The following PCGF5 variants were observed in gnomAD, a reference collection of about 807,000 sequenced individuals.
The protein encoded by PCGF5 is polycomb group RING finger protein 5.
In PCGF5, 9 loss-of-function variants were observed where a neutral mutation model predicts 44.3. The observed-to-expected ratio is 0.20, with a 90% CI of 0.12 to 0.35. The LOEUF (loss-of-function observed/expected upper bound fraction) is 0.35. Ranked by LOEUF, PCGF5 falls within the 10% of genes least tolerant of loss-of-function variation. The pLI, the probability that PCGF5 is intolerant of heterozygous loss-of-function variation, is 1.00. For synonymous variants in PCGF5, 95 were observed against 102.5 expected, an observed-to-expected ratio of 0.93 and a Z score of 0.44; for missense variants, 146 against 305.3, an observed-to-expected ratio of 0.48 and a Z score of 3.89.
intron 2 of PCGF5, among the ~76,000 whole-genome samples, chr10:91,236,348 C>G (rs11186513): frequency 2.9e-4 from 44 of 152,130 alleles, no homozygotes; most frequent in African/African-American, 1.0e-3. Flanking sequence ...TGAGGCCAAG[C>G]CTGATATTTG....
chr10:91,259,579 G>C (rs896870357), intron 6 of PCGF5, among the ~76,000 whole-genome samples: 1 of 152,082 alleles, frequency 6.6e-6, no homozygotes, highest in Non-Finnish European at 1.5e-5. Flanking sequence ...ATTCTACAAG[G>C]CTACAGTAAC....
chr10:91,214,861 A>G (rs1167650067), intron 1 of PCGF5, among the ~76,000 whole-genome samples: 2 of 152,274 alleles, frequency 1.3e-5, no homozygotes, highest in East Asian at 3.8e-4. Context: ...AAATGGGGAT[A>G]TAAGCCAGAA....
At chr10:91,161,485 GCTCT>G (rs1843381748), upstream of PCGF5, among the ~76,000 whole-genome samples, 1 of 152,172 alleles carries the variant, frequency 6.6e-6, no homozygotes, top group Non-Finnish European at 1.5e-5. Flanking sequence ...GGGCCGGAAG[GCTCT>G]TAGCCTAGGA....
At position 91,220,727 on chromosome 10, in the gene PCGF5, G is replaced by C. The variant is rs1844650242; in HGVS notation, c.-293G>C. The C allele has an allele frequency of 6.6e-6, 1 of 152,280 alleles. No homozygotes were observed. Among genetic ancestry groups the C allele is most frequent in the Non-Finnish European group, 1.5e-5 (1 of 68,192 alleles). 9.4% of individuals were successfully genotyped at this position (152,280 alleles called of 1,614,324 possible). A position where few individuals can be genotyped will look rare whatever the true frequency, so the allele number is the denominator to read the frequency against. On this transcript the variant is annotated 5_prime_UTR_variant, in exon 1 of 10. Transcript: ENST00000336126. ...TCCCGCCTGCAGGGGGAGAGCAGAC[G>C]GGGCGCGGGGACCGGCCAGGCCGCG...
intron 6 of PCGF5, among the ~76,000 whole-genome samples, chr10:91,259,072 T>A (rs1350870098): frequency 1.3e-5 from 2 of 152,200 alleles, no homozygotes; most frequent in African/African-American, 4.8e-5. Flanking sequence ...TTATTATGTC[T>A]ACAACCTCAT....
chr10:91,193,587 G>A (rs919297781), intron 1 of PCGF5, among the ~76,000 whole-genome samples: 2 of 151,988 alleles, frequency 1.3e-5, no homozygotes, highest in African/African-American at 2.4e-5. Flanking sequence ...GGGATGAGTA[G>A]GAGATAGGGT....
intron 1 of PCGF5, among the ~76,000 whole-genome samples, chr10:91,205,476 A>G (rs1271635683): frequency 6.6e-6 from 1 of 152,240 alleles, no homozygotes; most frequent in Non-Finnish European, 1.5e-5. Context: ...AACTGAGCCA[A>G]GCTCAAAGTA....
chr10:91,253,503 A>G (rs1845670439), intron 6 of PCGF5, among the ~76,000 whole-genome samples: 1 of 152,030 alleles, frequency 6.6e-6, no homozygotes. Flanking sequence ...GACTTGTCTA[A>G]GTTGTCTAAT....
At chr10:91,199,044 T>C (rs1225672918) in intron 1 of PCGF5, among the ~76,000 whole-genome samples, 1 of 152,226 alleles carries the variant, frequency 6.6e-6, no homozygotes, top group Non-Finnish European at 1.5e-5. Flanking sequence ...TGAAACTGCA[T>C]CACATACATG....
At chr10:91,190,112 C>A (rs1002615555) in intron 1 of PCGF5, among the ~76,000 whole-genome samples, 1 of 152,176 alleles carries the variant, frequency 6.6e-6, no homozygotes, top group Non-Finnish European at 1.5e-5. Flanking sequence ...AAGGCATGGG[C>A]AGATTGGTCT....
intron 1 of PCGF5, among the ~76,000 whole-genome samples, chr10:91,212,057 A>G (rs907508010): frequency 1.3e-5 from 2 of 152,196 alleles, no homozygotes; most frequent in Non-Finnish European, 2.9e-5. Flanking sequence ...CAATGATTTT[A>G]TTTATCTTAC....
intron 3 of PCGF5, among the ~76,000 whole-genome samples, chr10:91,242,349 G>A (rs1281653944): frequency 6.6e-6 from 1 of 151,616 alleles, no homozygotes; most frequent in Non-Finnish European, 1.5e-5. Flanking sequence ...ATAAAAAACT[G>A]TTAATATCCA....
upstream of PCGF5, among the ~76,000 whole-genome samples, chr10:91,161,492 G>A (rs1564621209): frequency 1.3e-5 from 2 of 152,206 alleles, no homozygotes; most frequent in Admixed American, 6.5e-5. Flanking sequence ...AAGGCTCTTA[G>A]CCTAGGAATT....
chr10:91,215,079 A>C (rs1844518040), intron 1 of PCGF5, among the ~76,000 whole-genome samples: 2 of 152,220 alleles, frequency 1.3e-5, no homozygotes, highest in Non-Finnish European at 2.9e-5. Context: ...CTTCCTCATC[A>C]GTACTTGTAA....
chr10:91,194,075 G>C (rs1844083308), intron 1 of PCGF5, among the ~76,000 whole-genome samples: 1 of 152,102 alleles, frequency 6.6e-6, no homozygotes. Context: ...GAGAATTGGA[G>C]GTCAGCTTGG....
upstream of PCGF5, chr10:91,220,228 A>G (rs141603371): frequency 2.0e-5 from 3 of 149,742 alleles, no homozygotes; most frequent in African/African-American, 7.4e-5. Flanking sequence ...TTTGTCAGTC[A>G]TTTTCAGATA....
intron 3 of PCGF5, among the ~76,000 whole-genome samples, chr10:91,245,667 CA>C (rs1248562093): frequency 1.3e-5 from 2 of 151,682 alleles, no homozygotes; most frequent in Non-Finnish European, 2.9e-5. Flanking sequence ...GGAGCATTGA[CA>C]AAAAAAATTG....
intron 1 of PCGF5, among the ~76,000 whole-genome samples, chr10:91,183,055 A>C (rs2133195849): frequency 6.6e-6 from 1 of 152,278 alleles, no homozygotes; most frequent in Admixed American, 6.5e-5. Flanking sequence ...CAATTTTAAG[A>C]GTACATGTTT....
At chr10:91,170,040 T>C (rs1307818475) in intron 1 of PCGF5, among the ~76,000 whole-genome samples, 3 of 152,056 alleles carry the variant, frequency 2.0e-5, no homozygotes, top group Admixed American at 1.3e-4. Flanking sequence ...TTTCAGCAAA[T>C]GGGTGAGGCT....
Sources: allele counts gnomAD v4.1 joint callset (sites outside exome capture counted in the v4.1 genomes callset), GRCh38; gene constraint gnomAD v4.1.1; transcripts MANE v1.5; gene names NCBI Gene and HGNC (gene_info 2026-07-23, HGNC 2026-07-21).